ODAD2: variants seen among roughly 807,000 people sequenced by gnomAD.
The protein encoded by ODAD2 is outer dynein arm-docking complex subunit 2.
ODAD2 carries 89 observed loss-of-function variants against 106.8 expected under a neutral mutation model. The ratio of observed to expected loss-of-function variants is 0.83; its 90% CI spans 0.70 to 0.99. ODAD2 has a LOEUF of 0.99. Ranked by LOEUF, ODAD2 falls within the 50% of genes least tolerant of loss-of-function variation. The pLI is 0.00. For missense variants in ODAD2, 1,168 were observed against 1,238.5 expected (o/e 0.94, Z 0.85); for synonymous variants, 404 against 436.2 (o/e 0.93, Z 0.92).
chr10:27,983,878 T>C lies in ODAD2; in HGVS notation c.784A>G (p.Ile262Val). 6.2e-7 allele frequency: 1 copy of C among 1,613,148 alleles called. No individual in the cohort carries two copies. Among genetic ancestry groups the C allele is most frequent in the Non-Finnish European group, 8.5e-7 (1 of 1,179,782 alleles). The stretch of plus-strand genomic sequence containing the variant: ...AATACTCCTCCTGCACTGCAAGTAA[T>C]GCACAGAGTCTCACCATCGTGAGGT... ...VKPHDGETLCITCSAGGVFLN... is the reference protein window; with the variant it reads ...VKPHDGETLCVTCSAGGVFLN... Residue 262 changes from isoleucine (I) to valine (V), a missense_variant, in exon 6 of 20, where the codon ATT (isoleucine) becomes GTT (valine). Coordinates refer to ENST00000305242, the MANE Select transcript of ODAD2 (RefSeq NM_018076.5).
At chr10:27,878,904 G>A (rs1841527466) in intron 17 of ODAD2, among the ~76,000 whole-genome samples, 1 of 151,988 alleles carries the variant, frequency 6.6e-6, no homozygotes, top group Admixed American at 6.6e-5. Flanking sequence ...CCTACCAAAT[G>A]TAGTACTTCA....
intron 16 of ODAD2, among the ~76,000 whole-genome samples, chr10:27,916,187 G>A (rs1289926789): frequency 6.6e-6 from 1 of 152,118 alleles, no homozygotes; most frequent in African/African-American, 2.4e-5. Context: ...ATATAGTAGA[G>A]CAGCATGACA....
intron 9 of ODAD2, among the ~76,000 whole-genome samples, chr10:27,964,074 T>G (rs902038930): frequency 4.6e-5 from 7 of 152,114 alleles, no homozygotes; most frequent in African/African-American, 1.7e-4. Flanking sequence ...ATACAAAAAT[T>G]AGCTGGGTAT....
rs1261955604 is a variant in ODAD2, at chr10:27,971,058, A to T, written c.1142+50T>A. 9.4e-6 allele frequency: 10 copies of T among 1,058,616 alleles called. No homozygotes were observed. The Admixed American group carries it at 1.6e-4, about 16-fold the overall frequency. 65.6% of individuals were successfully genotyped at this position (1,058,616 alleles called of 1,614,324 possible). On this transcript the variant is annotated intron_variant, in intron 8 of 19. Transcript: ENST00000305242. ...ATAAAGTTCTGTGAAAAATTAGGTG[A>T]GTATGGTTACTAATGCTGCATCTGA... is the stretch of plus-strand genomic sequence containing the variant.
At chr10:27,904,842 G>A (rs1843468156) in intron 17 of ODAD2, among the ~76,000 whole-genome samples, 2 of 152,230 alleles carry the variant, frequency 1.3e-5, no homozygotes, top group Admixed American at 1.3e-4. Context: ...TGGAGGGAAT[G>A]GGCATCTTGA....
intron 2 of ODAD2, among the ~76,000 whole-genome samples, chr10:27,992,789 T>A (rs1175661496): frequency 6.6e-6 from 1 of 152,190 alleles, no homozygotes; most frequent in Admixed American, 6.5e-5. Flanking sequence ...ATTTGAGAGG[T>A]GTGTGTCACA....
intron 16 of ODAD2, among the ~76,000 whole-genome samples, chr10:27,932,359 T>C (rs572777796): frequency 2.6e-5 from 4 of 152,320 alleles, no homozygotes; most frequent in South Asian, 4.1e-4. Flanking sequence ...GTACTTGAAG[T>C]ATAGTTTCTA....
chr10:27,879,791 CATT>C (rs1239946913), intron 17 of ODAD2, among the ~76,000 whole-genome samples: 1 of 152,152 alleles, frequency 6.6e-6, no homozygotes, highest in South Asian at 2.1e-4. Context: ...TAAAATATAA[CATT>C]ATATTAACTG....
chr10:27,944,889 T>C lies in ODAD2; in HGVS notation c.1460A>G (p.Gln487Arg), dbSNP rs773452157. 1.2e-6 allele frequency: 2 copies of C among 1,614,174 alleles called. No individual in the cohort carries two copies. The highest frequency in any genetic ancestry group is 1.3e-5 in the African/African-American group (1 of 75,040). Reference sequence around the variant, plus strand: ...GCCTCCAACATCTCTGATGGCCAACTGGCAGGTTTCTTGAGCTAAGCTGAA... The same window carrying C: ...GCCTCCAACATCTCTGATGGCCAACCGGCAGGTTTCTTGAGCTAAGCTGAA... ...RDFSLAQETC[Q>R]LAIRDVGGLE... Residue 487 changes from glutamine to arginine, a missense_variant, in exon 11 of 20, where the codon CAG becomes CGG. Gln to Arg is a conservative substitution (Grantham distance 43). This residue lies in a region of ODAD2 where 701 missense variants were observed against 712.3 expected (regional missense o/e 0.98). Transcript: ENST00000305242.
chr10:27,830,415 A>G (rs73604080), intron 19 of ODAD2, among the ~76,000 whole-genome samples: 2,199 of 152,312 alleles, frequency 0.014, 52 homozygotes, highest in African/African-American at 0.05. Flanking sequence ...TTGGAAGAAC[A>G]CAGTTTAAAC....
intron 17 of ODAD2, among the ~76,000 whole-genome samples, chr10:27,893,169 A>G (rs1842667255): frequency 6.6e-6 from 1 of 152,116 alleles, no homozygotes; most frequent in African/African-American, 2.4e-5. Flanking sequence ...AAAAAAAAAG[A>G]AGAAGAAAAG....
Position 27,981,592 on chromosome 10 carries a change from A to T in ODAD2, c.820-10T>A. The T allele has an allele frequency of 2.0e-6, 3 of 1,515,736 alleles. No homozygotes were observed. Among genetic ancestry groups the T allele is most frequent in the Non-Finnish European group, 2.6e-6 (3 of 1,134,346 alleles). The allele number at this position is 1,515,736 out of a possible 1,614,324, so 93.9% of individuals were successfully genotyped here. A position where few individuals can be genotyped will look rare whatever the true frequency, so the allele number is the denominator to read the frequency against. Reference sequence around the variant, plus strand: ...CATCATCTGTTTTGCCCTTTGGGAAAAAACAAGTTTCATTCTATGATTAAC... The same window carrying T: ...CATCATCTGTTTTGCCCTTTGGGAATAAACAAGTTTCATTCTATGATTAAC... On this transcript the variant is annotated splice_polypyrimidine_tract_variant and intron_variant, in intron 6 of 19. Transcript: ENST00000305242.
chr10:27,940,452 T>C, intron 13 of ODAD2, 111 bp downstream of exon 13: 3 of 1,324,888 alleles, frequency 2.3e-6, no homozygotes, highest in South Asian at 1.4e-5. Flanking sequence ...CATAGAATGC[T>C]GACTTCTAGA....
At chr10:27,836,402 A>T (rs1391004656) in intron 19 of ODAD2, among the ~76,000 whole-genome samples, 2 of 152,156 alleles carry the variant, frequency 1.3e-5, no homozygotes, top group African/African-American at 4.8e-5. Context: ...TGTCTTTTTT[A>T]CGTCATTAAA....
chr10:27,997,115 G>T (rs1400458942), intron 1 of ODAD2, among the ~76,000 whole-genome samples: 1 of 152,142 alleles, frequency 6.6e-6, no homozygotes, highest in Non-Finnish European at 1.5e-5. Flanking sequence ...ATACCAAAGT[G>T]GTCATGAAAT....
At chr10:27,885,727 A>G (rs1383360744) in intron 17 of ODAD2, among the ~76,000 whole-genome samples, 1 of 39,298 alleles carries the variant, frequency 2.5e-5, no homozygotes, top group East Asian at 6.6e-4. Flanking sequence ...TATATTATAT[A>G]TAAAATATAT....
chr10:27,988,126 C>T (rs1429243584), intron 2 of ODAD2, among the ~76,000 whole-genome samples: 1 of 151,264 alleles, frequency 6.6e-6, no homozygotes, highest in African/African-American at 2.4e-5. Flanking sequence ...TGGATTCTTC[C>T]TGATCAAAAG....
At chr10:27,970,021 G>C (rs540470940) in intron 8 of ODAD2, among the ~76,000 whole-genome samples, 2 of 152,028 alleles carry the variant, frequency 1.3e-5, no homozygotes, top group Admixed American at 1.3e-4. Flanking sequence ...CAAGAGAATC[G>C]CTTGAACCTG....
intron 19 of ODAD2, among the ~76,000 whole-genome samples, chr10:27,850,187 G>C (rs1355782861): frequency 6.6e-6 from 1 of 152,194 alleles, no homozygotes; most frequent in East Asian, 1.9e-4. Context: ...GCTCACACCT[G>C]TAATCTCAAC....
Sources: gnomAD v4.1 joint callset for allele counts (sites outside exome capture counted in the v4.1 genomes callset) on GRCh38, gnomAD v4.1.1 for gene constraint, gnomAD v4.1.1 regional missense constraint, MANE v1.5 for transcripts, NCBI Gene and HGNC (gene_info 2026-07-23, HGNC 2026-07-21) for gene names.